Variants in COBL observed in about 807,000 individuals in gnomAD.
COBL encodes cordon-bleu WH2 repeat protein, also known as protein cordon-bleu.
Under a neutral mutation model 98.8 loss-of-function variants are expected in COBL, and 51 were observed. That is an observed-to-expected ratio of 0.52 (90% CI 0.41 to 0.65). The LOEUF (loss-of-function observed/expected upper bound fraction) is 0.65. COBL is among the 30% of genes least tolerant of loss of function. The probability of loss-of-function intolerance (pLI) is 0.00; values close to 1 mark genes in which losing one functional copy is unlikely to be tolerated. For synonymous variants in COBL, 634 were observed against 651.7 expected (o/e 0.97, Z 0.41); for missense variants, 1,617 against 1,617.5 (o/e 1.00, Z 0.01).
At chr7:51,307,007 A>G (rs1198085668) in intron 1 of COBL, among the ~76,000 whole-genome samples, 1 of 152,170 alleles carries the variant, frequency 6.6e-6, no homozygotes, top group East Asian at 1.9e-4. Flanking sequence ...GGACGTGGAC[A>G]CTGACGAGAG....
chr7:51,090,788 T>A (rs945394531), intron 6 of COBL, among the ~76,000 whole-genome samples: 1 of 152,206 alleles, frequency 6.6e-6, no homozygotes, highest in Non-Finnish European at 1.5e-5. Flanking sequence ...TCTGTCTCAG[T>A]TGACCAGGAA....
intron 5 of COBL, among the ~76,000 whole-genome samples, chr7:51,173,196 G>A (rs1440293746): frequency 6.6e-6 from 1 of 151,740 alleles, no homozygotes; most frequent in Non-Finnish European, 1.5e-5. Context: ...TTTGTTTTTT[G>A]TTTTGAGCAG....
intron 1 of COBL, among the ~76,000 whole-genome samples, chr7:51,274,390 T>C (rs1223309396): frequency 6.6e-6 from 1 of 152,220 alleles, no homozygotes; most frequent in African/African-American, 2.4e-5. Context: ...CAGCTCTAGG[T>C]GAGCTCCCCT....
chr7:51,219,166 G>A (rs1013556409), intron 2 of COBL, among the ~76,000 whole-genome samples: 6 of 152,220 alleles, frequency 3.9e-5, no homozygotes, highest in African/African-American at 1.4e-4. Context: ...GCCACGGGCA[G>A]ATCAGTCCTG....
At chr7:51,050,277 A>G (rs1447429921) in intron 7 of COBL, among the ~76,000 whole-genome samples, 1 of 152,228 alleles carries the variant, frequency 6.6e-6, no homozygotes, top group Non-Finnish European at 1.5e-5. Flanking sequence ...TCACTACCTG[A>G]ACCAAACTCT....
At chr7:51,158,065 A>T (rs1786372008) in intron 5 of COBL, among the ~76,000 whole-genome samples, 1 of 152,222 alleles carries the variant, frequency 6.6e-6, no homozygotes, top group East Asian at 1.9e-4. Flanking sequence ...TTGTTGTGTT[A>T]GAGAGGCAGT....
chr7:51,090,257 A>G (rs1562897531), intron 6 of COBL, among the ~76,000 whole-genome samples: 1 of 152,188 alleles, frequency 6.6e-6, no homozygotes, highest in Non-Finnish European at 1.5e-5. Flanking sequence ...ACTTAACAGC[A>G]ATTTGTAATC....
At chr7:51,085,967 G>A (rs1400329908) in intron 6 of COBL, among the ~76,000 whole-genome samples, 1 of 152,178 alleles carries the variant, frequency 6.6e-6, no homozygotes, top group African/African-American at 2.4e-5. Flanking sequence ...AACAGTGAAA[G>A]ACACACAGCT....
In COBL at chr7:51,091,080, C is replaced by T. The variant is rs536809879; in HGVS notation, c.958-5776G>A. On this transcript the variant is annotated intron_variant, in intron 6 of 12. Transcript: ENST00000265136. Reference sequence around the variant, plus strand: ...ACTGTAAGAAGCCAGTCCGTAAAGGCTGGAAGAGGTGGCTATTTTGTCAAA... The same window carrying T: ...ACTGTAAGAAGCCAGTCCGTAAAGGTTGGAAGAGGTGGCTATTTTGTCAAA... Among the ~76,000 whole-genome samples the T allele has an allele frequency of 7.2e-5, 11 of 152,274 alleles. No homozygotes were observed. In the East Asian group the frequency reaches 1.9e-3, roughly 27 times the overall value.
intron 2 of COBL, among the ~76,000 whole-genome samples, chr7:51,216,297 C>T (rs762723886): frequency 2.0e-4 from 31 of 152,184 alleles, no homozygotes; most frequent in Non-Finnish European, 4.4e-4. Flanking sequence ...TCTCCTGCCT[C>T]AACTTTCCGA....
At chr7:51,192,738 C>T (rs2129058077) in intron 3 of COBL, among the ~76,000 whole-genome samples, 1 of 152,274 alleles carries the variant, frequency 6.6e-6, no homozygotes. Context: ...ATATTTCTGA[C>T]ATCAGTTTTT....
intron 1 of COBL, among the ~76,000 whole-genome samples, chr7:51,258,022 T>C (rs1277620257): frequency 6.6e-6 from 1 of 152,236 alleles, no homozygotes; most frequent in Admixed American, 6.5e-5. Context: ...TGTAATATAG[T>C]GTACTTGTTT....
At chr7:51,227,064 G>C (rs1439941150) in intron 1 of COBL, among the ~76,000 whole-genome samples, 3 of 152,162 alleles carry the variant, frequency 2.0e-5, no homozygotes, top group Non-Finnish European at 4.4e-5. Context: ...GTTCCTGGCA[G>C]ACTGATGCTA....
At chr7:51,138,073 C>A (rs1340018129) in intron 5 of COBL, among the ~76,000 whole-genome samples, 4 of 152,132 alleles carry the variant, frequency 2.6e-5, no homozygotes, top group Non-Finnish European at 4.4e-5. Flanking sequence ...ACAAAGCACT[C>A]CATGAAGGCT....
In COBL at chr7:51,316,628, G is replaced by A. The variant is rs1201477175; in HGVS notation, c.6C>T (p.Asp2=). The change falls in exon 1 of 13, where the codon GAC becomes GAT. Residue 2 remains aspartate (D), a synonymous_variant. Coordinates refer to ENST00000265136, the MANE Select transcript of COBL (RefSeq NM_015198.5). The part of the protein sequence containing the change: M[D]APRASAAKPP... Reference sequence around the variant, plus strand: ...GCTTGGCCGCCGAGGCGCGCGGCGCGTCCATGGTGCCGGGGGCCGGGACGC... The same window carrying A: ...GCTTGGCCGCCGAGGCGCGCGGCGCATCCATGGTGCCGGGGGCCGGGACGC... 29 of 1,200,862 alleles carry A rather than the reference G, an allele frequency of 2.4e-5. No homozygotes were observed. Among genetic ancestry groups the A allele is most frequent in the Non-Finnish European group, 3.0e-5 (29 of 968,132 alleles). 74.4% of individuals were successfully genotyped at this position (1,200,862 alleles called of 1,614,324 possible). A position where few individuals can be genotyped will look rare whatever the true frequency, so the allele number is the denominator to read the frequency against.
At chr7:51,205,781 A>G (rs1791641001) in intron 2 of COBL, among the ~76,000 whole-genome samples, 1 of 152,026 alleles carries the variant, frequency 6.6e-6, no homozygotes, top group East Asian at 1.9e-4. Flanking sequence ...AGTGCAATCT[A>G]TGGAATGGGA....
intron 1 of COBL, among the ~76,000 whole-genome samples, chr7:51,257,872 CCT>C (rs1429394177): frequency 2.0e-5 from 3 of 151,896 alleles, no homozygotes; most frequent in East Asian, 3.9e-4. Context: ...TGAAATCTTC[CCT>C]GTCTATTCCT....
At position 51,025,336 on chromosome 7, in the gene COBL, G is replaced by A. The variant is rs1010875572; in HGVS notation, c.3541C>T (p.Arg1181Ter). 6.2e-6 allele frequency: 10 copies of A among 1,613,308 alleles called. No individual in the cohort carries two copies. The highest frequency in any genetic ancestry group is 1.1e-5 in the South Asian group (1 of 91,060). The change falls in exon 12 of 13, where the codon CGA (arginine) becomes TGA (stop). Residue 1181 changes from arginine to a stop codon, truncating the protein, a stop_gained. Transcript: ENST00000265136. LOFTEE classifies it high-confidence loss of function. Reference protein sequence around the residue: ...SSASEELQSFRDAALSAQGSE... With the variant: ...SSASEELQSF ...CCCTGAGCAGAGAGTGCGGCATCTC[G>A]GAAGCTCTGGAGCTCCTCAGAAGCA... is the stretch of plus-strand genomic sequence containing the variant.
At chr7:51,150,129 G>C (rs1785421595) in intron 5 of COBL, among the ~76,000 whole-genome samples, 1 of 152,160 alleles carries the variant, frequency 6.6e-6, no homozygotes, top group African/African-American at 2.4e-5. Context: ...GGAAGGGAGA[G>C]GAGCCGAGCC....
Sources: allele counts gnomAD v4.1 joint callset (sites outside exome capture counted in the v4.1 genomes callset), GRCh38; gene constraint gnomAD v4.1.1; transcripts MANE v1.5; gene names NCBI Gene and HGNC (gene_info 2026-07-23, HGNC 2026-07-21).